Variants in SMIM31 observed in about 807,000 individuals in gnomAD.
SMIM31 encodes small integral membrane protein 31, also known as human epithelial cell program regulator.
At position 164,802,226 on chromosome 4, in the gene SMIM31, C is replaced by G. The variant is rs1017671015; in HGVS notation, c.*1032C>G. The G allele has an allele frequency of 6.6e-6, 1 of 152,324 alleles. No homozygotes were observed. Among genetic ancestry groups the G allele is most frequent in the Non-Finnish European group, 1.5e-5 (1 of 68,300 alleles). The allele number at this position is 152,324 out of a possible 1,614,324, so 9.4% of individuals were successfully genotyped here. A position where few individuals can be genotyped will look rare whatever the true frequency, so the allele number is the denominator to read the frequency against. Reference sequence around the variant, plus strand: ...CCAGCCTGGGCGACAGAGCAAGACTCTGTCTCAAAAGAAAAAAAACAAAGA... The same window carrying G: ...CCAGCCTGGGCGACAGAGCAAGACTGTGTCTCAAAAGAAAAAAAACAAAGA... On this transcript the variant is annotated 3_prime_UTR_variant, in exon 3 of 3. Transcript: ENST00000507311.
chr4:164,766,095 A>G (rs1732717367), intron 1 of SMIM31, among the ~76,000 whole-genome samples: 2 of 152,228 alleles, frequency 1.3e-5, no homozygotes, highest in Non-Finnish European at 2.9e-5. Context: ...ACAGAAAAAT[A>G]AAGTAACAAA....
intron 2 of SMIM31, among the ~76,000 whole-genome samples, chr4:164,789,229 G>A (rs35162910): frequency 0.17 from 26,024 of 152,190 alleles, 2,515 homozygotes; most frequent in South Asian, 0.24. Flanking sequence ...AGCTGACAAT[G>A]CTGGAATGCA....
chr4:164,800,581 T>A (rs753378437), intron 2 of SMIM31, among the ~76,000 whole-genome samples: 19 of 152,110 alleles, frequency 1.2e-4, no homozygotes, highest in Non-Finnish European at 2.1e-4. Context: ...ACACAGTAGG[T>A]CCAGGGACCC....
At chr4:164,758,254 T>C (rs1414487930) in intron 1 of SMIM31, among the ~76,000 whole-genome samples, 1 of 152,216 alleles carries the variant, frequency 6.6e-6, no homozygotes, top group African/African-American at 2.4e-5. Flanking sequence ...TACTAAATTC[T>C]AGTAGTTACC....
intron 2 of SMIM31, among the ~76,000 whole-genome samples, chr4:164,779,685 G>A (rs561176871): frequency 6.8e-4 from 103 of 152,264 alleles, no homozygotes; most frequent in African/African-American, 2.4e-3. Context: ...AACTTGCATG[G>A]AATGAGACTG....
chr4:164,772,574 A>ATTTTT (rs1313487284), intron 2 of SMIM31, among the ~76,000 whole-genome samples: 2 of 81,694 alleles, frequency 2.4e-5, no homozygotes, highest in African/African-American at 8.2e-5. Flanking sequence ...TATTTTTTTT[A>ATTTTT]TTTTTATTTT....
At chr4:164,769,201 A>C (rs950919101) in intron 1 of SMIM31, among the ~76,000 whole-genome samples, 12 of 151,994 alleles carry the variant, frequency 7.9e-5, no homozygotes, top group Non-Finnish European at 1.3e-4. Context: ...TCCAGTTACC[A>C]TTCTCTTCCT....
chr4:164,766,177 C>T (rs1449812600), intron 1 of SMIM31, among the ~76,000 whole-genome samples: 1 of 152,152 alleles, frequency 6.6e-6, no homozygotes, highest in Non-Finnish European at 1.5e-5. Context: ...AACCATGCTG[C>T]CTGTTTTATG....
chr4:164,764,917 C>G (rs1216859501), intron 1 of SMIM31, among the ~76,000 whole-genome samples: 3 of 152,112 alleles, frequency 2.0e-5, no homozygotes, highest in Non-Finnish European at 4.4e-5. Context: ...TTCTAAAGAG[C>G]AGGGTTATCC....
At chr4:164,801,002 C>T (rs1361935183) in intron 2 of SMIM31, 89 bp from the exon 3 acceptor site, 4 of 394,794 alleles carry the variant, frequency 1.0e-5, no homozygotes, top group African/African-American at 8.2e-5. Context: ...CATTAGTGAG[C>T]ACCCAAGTCT....
chr4:164,794,591 G>A (rs1057381378), intron 2 of SMIM31, among the ~76,000 whole-genome samples: 2 of 152,142 alleles, frequency 1.3e-5, no homozygotes, highest in Admixed American at 1.3e-4. Context: ...TGGATCACAA[G>A]GTCAAGAGAT....
At chr4:164,768,835 C>T (rs1732756104) in intron 1 of SMIM31, among the ~76,000 whole-genome samples, 1 of 152,194 alleles carries the variant, frequency 6.6e-6, no homozygotes, top group Admixed American at 6.5e-5. Context: ...TAATAGTCTT[C>T]ATATTCTCTG....
intron 2 of SMIM31, among the ~76,000 whole-genome samples, chr4:164,786,378 G>A (rs1733026081): frequency 1.3e-5 from 2 of 152,078 alleles, no homozygotes; most frequent in African/African-American, 4.8e-5. Context: ...AGGTGAAAGA[G>A]TACATCAAAG....
intron 2 of SMIM31, among the ~76,000 whole-genome samples, chr4:164,778,994 G>GAA (rs34776235): frequency 8.1e-5 from 11 of 135,590 alleles, no homozygotes; most frequent in Admixed American, 4.5e-4. Context: ...CACTAAACAG[G>GAA]AAAAAAAAAA....
chr4:164,758,801 A>ATTTTTTTTTTTTTT lies in SMIM31; in HGVS notation c.-26+4417_-26+4430dup, dbSNP rs35632469. Among the ~76,000 whole-genome samples, 81 of 60,904 alleles carry ATTTTTTTTTTTTTT rather than the reference A, an allele frequency of 1.3e-3. 1 individual carries two copies. The highest frequency in any genetic ancestry group is 1.8e-3 in the East Asian group (3 of 1,638). 40.0% of individuals were successfully genotyped at this position (60,904 alleles called of 152,430 possible). On this transcript the variant is annotated intron_variant, in intron 1 of 2. Transcript: ENST00000507311. Reference sequence around the variant, plus strand: ...GGCGCCCGCCACCACGCCCGGCCAAATTTTTTTTTTTTTTTTTTTTTTTTT... The same window carrying ATTTTTTTTTTTTTT: ...GGCGCCCGCCACCACGCCCGGCCAAATTTTTTTTTTTTTTTTTTTTTTTTTTTTTTTTTTTTTTT...
intron 2 of SMIM31, among the ~76,000 whole-genome samples, chr4:164,794,630 C>A (rs1733165075): frequency 6.6e-6 from 1 of 151,964 alleles, no homozygotes; most frequent in South Asian, 2.1e-4. Context: ...CATGGTGAAA[C>A]CCTGACTCTA....
At chr4:164,785,638 G>T (rs1159012148) in intron 2 of SMIM31, among the ~76,000 whole-genome samples, 2 of 38,092 alleles carry the variant, frequency 5.3e-5, no homozygotes, top group East Asian at 6.7e-4. Context: ...TAAACTTATT[G>T]TGTGTGTGTG....
chr4:164,775,208 A>G (rs1240809518), intron 2 of SMIM31, among the ~76,000 whole-genome samples: 2 of 152,178 alleles, frequency 1.3e-5, no homozygotes, highest in East Asian at 1.9e-4. Flanking sequence ...TATGACATAG[A>G]TAAGACTCAC....
intron 2 of SMIM31, among the ~76,000 whole-genome samples, chr4:164,797,282 T>G (rs1733210786): frequency 6.6e-6 from 1 of 152,148 alleles, no homozygotes; most frequent in Non-Finnish European, 1.5e-5. Context: ...TTATTATATT[T>G]TGTTATTTAT....
Sources: gnomAD v4.1 joint callset for allele counts (sites outside exome capture counted in the v4.1 genomes callset) on GRCh38, gnomAD v4.1.1 for gene constraint, MANE v1.5 for transcripts, NCBI Gene and HGNC (gene_info 2026-07-23, HGNC 2026-07-21) for gene names.